The following FMN1 variants were observed in gnomAD, a reference collection of about 807,000 sequenced individuals.
The protein encoded by FMN1 is formin 1.
In FMN1, 110 loss-of-function variants were observed where a neutral mutation model predicts 132.4. That is an observed-to-expected ratio of 0.83 (90% CI 0.71 to 0.97). FMN1 has a LOEUF of 0.97. Among genes scored for constraint, FMN1 ranks in the 50% least tolerant of loss-of-function variants. The probability of loss-of-function intolerance (pLI) is 0.00; values close to 1 mark genes in which losing one functional copy is unlikely to be tolerated. For missense variants in FMN1, 1,792 were observed against 1,705.3 expected (o/e 1.05, Z -0.90); for synonymous variants, 722 against 651.7 (o/e 1.11, Z -1.64).
chr15:32,864,381 C>A (rs28438810), intron 16 of FMN1, among the ~76,000 whole-genome samples: 2,329 of 152,270 alleles, frequency 0.015, 53 homozygotes, highest in African/African-American at 0.053. Context: ...TTGAAAGGGA[C>A]TGCTACACCC....
chr15:32,811,800 G>A (rs1368615130), intron 17 of FMN1, among the ~76,000 whole-genome samples: 1 of 152,072 alleles, frequency 6.6e-6, no homozygotes, highest in Non-Finnish European at 1.5e-5. Context: ...GAGTAGCTGG[G>A]ATTACAGGCA....
At chr15:33,072,674 G>A (rs906551699) in intron 5 of FMN1, among the ~76,000 whole-genome samples, 24 of 152,172 alleles carry the variant, frequency 1.6e-4, no homozygotes, top group African/African-American at 5.8e-4. Context: ...TGTAATCCCA[G>A]CACTTTGGGA....
chr15:32,898,061 T>C (rs907133716), intron 15 of FMN1, among the ~76,000 whole-genome samples: 4 of 152,112 alleles, frequency 2.6e-5, no homozygotes, highest in African/African-American at 9.7e-5. Flanking sequence ...AAGAAAGTAT[T>C]ATGGAGTTCA....
At chr15:32,996,739 A>G (rs1044927281) in intron 7 of FMN1, among the ~76,000 whole-genome samples, 1 of 152,184 alleles carries the variant, frequency 6.6e-6, no homozygotes, top group Admixed American at 6.5e-5. Flanking sequence ...TATACACACA[A>G]ACACACAATA....
chr15:33,013,442 T>C (rs34331348), intron 6 of FMN1, among the ~76,000 whole-genome samples: 3,944 of 151,528 alleles, frequency 0.026, 87 homozygotes, highest in South Asian at 0.073. Context: ...GCAATAATAT[T>C]AACAAAACTA....
intron 16 of FMN1, among the ~76,000 whole-genome samples, chr15:32,881,742 G>A (rs1409276711): frequency 1.3e-5 from 2 of 152,108 alleles, no homozygotes; most frequent in East Asian, 1.9e-4. Flanking sequence ...GAGGTCATTC[G>A]TTTTGCAGGG....
At position 32,948,856 on chromosome 15, in the gene FMN1, T is replaced by C. The variant is rs562443793; in HGVS notation, c.3138+15251A>G. On this transcript the variant is annotated intron_variant, in intron 9 of 20. Transcript: ENST00000616417. Reference sequence around the variant, plus strand: ...AAAATTCCATTCTCATCTTTTAAAATGTATTAGGTTAAACCACAGAAAATT... The same window carrying C: ...AAAATTCCATTCTCATCTTTTAAAACGTATTAGGTTAAACCACAGAAAATT... Among the ~76,000 whole-genome samples, 7 of 152,206 alleles carry C rather than the reference T, an allele frequency of 4.6e-5. No homozygotes were observed. In the South Asian group the frequency reaches 1.5e-3, roughly 32 times the overall value.
intron 6 of FMN1, among the ~76,000 whole-genome samples, chr15:33,052,492 C>G (rs2037022913): frequency 6.6e-6 from 1 of 152,170 alleles, no homozygotes; most frequent in Admixed American, 6.5e-5. Flanking sequence ...TTTCTGACAC[C>G]AACCAATTCT....
chr15:33,142,570 C>A (rs1432807493), intron 4 of FMN1, among the ~76,000 whole-genome samples: 1 of 152,194 alleles, frequency 6.6e-6, no homozygotes, highest in African/African-American at 2.4e-5. Flanking sequence ...CATCCCATAA[C>A]CCATCTGTAA....
At chr15:32,825,427 T>C (rs891881744) in intron 17 of FMN1, among the ~76,000 whole-genome samples, 3 of 152,222 alleles carry the variant, frequency 2.0e-5, no homozygotes, top group Non-Finnish European at 2.9e-5. Context: ...CCAATCATGG[T>C]GTTCTTTCTG....
intron 6 of FMN1, among the ~76,000 whole-genome samples, chr15:33,060,311 T>C (rs770175152): frequency 6.6e-6 from 1 of 152,196 alleles, no homozygotes; most frequent in African/African-American, 2.4e-5. Context: ...AAACTCAAAT[T>C]ATAGTAGGCC....
chr15:33,117,004 T>G (rs1330478105), intron 4 of FMN1, among the ~76,000 whole-genome samples: 1 of 152,170 alleles, frequency 6.6e-6, no homozygotes, highest in African/African-American at 2.4e-5. Context: ...CACAACCAAT[T>G]AAGTGTGGCA....
chr15:32,868,044 A>T (rs759348614), intron 16 of FMN1, among the ~76,000 whole-genome samples: 20 of 152,178 alleles, frequency 1.3e-4, no homozygotes, highest in Non-Finnish European at 2.2e-4. Context: ...TGCAGTATGG[A>T]TATTAGTGTC....
intron 17 of FMN1, among the ~76,000 whole-genome samples, chr15:32,854,123 A>G (rs1346756310): frequency 2.0e-5 from 3 of 152,222 alleles, no homozygotes; most frequent in Admixed American, 2.0e-4. Flanking sequence ...CGTTTTATTT[A>G]TTTAACATAT....
intron 4 of FMN1, among the ~76,000 whole-genome samples, chr15:33,149,493 A>T (rs1566952878): frequency 6.6e-6 from 1 of 152,182 alleles, no homozygotes. Context: ...AAACATCCTT[A>T]TGCCTAATTT....
At chr15:33,057,591 CAAGTT>C (rs1249709758) in intron 6 of FMN1, among the ~76,000 whole-genome samples, 1 of 152,174 alleles carries the variant, frequency 6.6e-6, no homozygotes, top group Non-Finnish European at 1.5e-5. Context: ...GCTTCGAACT[CAAGTT>C]TAGTTGATGC....
intron 17 of FMN1, among the ~76,000 whole-genome samples, chr15:32,823,102 A>C (rs2058263945): frequency 7.1e-6 from 1 of 140,054 alleles, no homozygotes; most frequent in Admixed American, 7.2e-5. Context: ...TTTCTCTCCT[A>C]CCCACGAGCC....
chr15:33,167,616 C>T (rs1965161312), intron 3 of FMN1, among the ~76,000 whole-genome samples: 1 of 152,184 alleles, frequency 6.6e-6, no homozygotes, highest in Non-Finnish European at 1.5e-5. Context: ...GTATGTATAA[C>T]TTTTGGTTCC....
intron 7 of FMN1, among the ~76,000 whole-genome samples, chr15:33,001,396 C>T (rs1412355818): frequency 1.3e-5 from 2 of 152,318 alleles, no homozygotes; most frequent in African/African-American, 4.8e-5. Flanking sequence ...GTTTATACAC[C>T]TTTACTTAAA....
Sources: gnomAD v4.1 joint callset for allele counts (sites outside exome capture counted in the v4.1 genomes callset) on GRCh38, gnomAD v4.1.1 for gene constraint, MANE v1.5 for transcripts, NCBI Gene and HGNC (gene_info 2026-07-23, HGNC 2026-07-21) for gene names.